The following GRM8 variants were observed in gnomAD, a reference collection of about 807,000 sequenced individuals.
The protein encoded by GRM8 is metabotropic glutamate receptor 8.
A neutral mutation model predicts 87.2 loss-of-function variants in GRM8; 47 were observed. The observed-to-expected ratio is 0.54, with a 90% confidence interval of 0.43 to 0.69. The LOEUF (loss-of-function observed/expected upper bound fraction) is 0.69. Ranked by LOEUF, GRM8 falls within the 30% of genes least tolerant of loss-of-function variation. The pLI is 0.00. For synonymous variants in GRM8, 396 were observed against 404.5 expected (o/e 0.98, Z 0.25); for missense variants, 1,019 against 1,139.2 (o/e 0.89, Z 1.52).
intron 7 of GRM8, among the ~76,000 whole-genome samples, chr7:126,725,557 T>C (rs1330598962): frequency 6.6e-6 from 1 of 152,196 alleles, no homozygotes; most frequent in East Asian, 1.9e-4. Context: ...ACCTAGAAGC[T>C]AAGAATATAA....
chr7:126,689,030 A>G (rs1186057241), intron 7 of GRM8, among the ~76,000 whole-genome samples: 1 of 152,198 alleles, frequency 6.6e-6, no homozygotes, highest in Non-Finnish European at 1.5e-5. Flanking sequence ...ACAGCTGACA[A>G]TTATACCTGT....
At chr7:127,108,183 T>C (rs1275627887) in intron 2 of GRM8, among the ~76,000 whole-genome samples, 1 of 152,180 alleles carries the variant, frequency 6.6e-6, no homozygotes, top group Non-Finnish European at 1.5e-5. Flanking sequence ...GGTTAGATTT[T>C]GTGACTGCAT....
chr7:126,775,458 C>T (rs1014748805), intron 6 of GRM8, among the ~76,000 whole-genome samples: 25 of 140,288 alleles, frequency 1.8e-4, no homozygotes, highest in Admixed American at 8.1e-4. Context: ...AAAGAGTGAG[C>T]GCTATCAAGC....
intron 2 of GRM8, among the ~76,000 whole-genome samples, chr7:127,165,192 A>G (rs1208878258): frequency 8.1e-6 from 1 of 122,762 alleles, no homozygotes; most frequent in Non-Finnish European, 1.7e-5. Context: ...ATATATATAT[A>G]TTCAGGTTTC....
At chr7:127,101,000 C>G (rs1825190919) in intron 3 of GRM8, among the ~76,000 whole-genome samples, 1 of 152,242 alleles carries the variant, frequency 6.6e-6, no homozygotes, top group Non-Finnish European at 1.5e-5. Flanking sequence ...CCTTGCTATT[C>G]TTCTCCACAA....
intron 2 of GRM8, among the ~76,000 whole-genome samples, chr7:127,239,749 T>C (rs1798178573): frequency 6.6e-6 from 1 of 152,174 alleles, no homozygotes; most frequent in Non-Finnish European, 1.5e-5. Context: ...ATACTACAAA[T>C]GGAGTGCTTC....
intron 3 of GRM8, among the ~76,000 whole-genome samples, chr7:126,916,326 T>C (rs1414812023): frequency 6.6e-6 from 1 of 152,202 alleles, no homozygotes; most frequent in Non-Finnish European, 1.5e-5. Context: ...TGAACACTCA[T>C]TGGATGTGTG....
intron 7 of GRM8, among the ~76,000 whole-genome samples, chr7:126,618,322 A>G (rs1212841484): frequency 6.6e-6 from 1 of 152,236 alleles, no homozygotes; most frequent in Non-Finnish European, 1.5e-5. Flanking sequence ...CTGGCTAGCC[A>G]TATGTAGAAA....
intron 7 of GRM8, among the ~76,000 whole-genome samples, chr7:126,760,348 C>A (rs1301516917): frequency 1.3e-5 from 2 of 152,106 alleles, no homozygotes; most frequent in African/African-American, 4.8e-5. Context: ...TCAGTCTTGG[C>A]CCACATGTAA....
chr7:126,973,317 G>A (rs1283654693), intron 3 of GRM8, among the ~76,000 whole-genome samples: 2 of 152,188 alleles, frequency 1.3e-5, no homozygotes, highest in Non-Finnish European at 2.9e-5. Context: ...AGTGGTTAGA[G>A]CTTTGGAGTG....
intron 7 of GRM8, among the ~76,000 whole-genome samples, chr7:126,704,967 G>A (rs147546338): frequency 9.3e-4 from 142 of 152,050 alleles, no homozygotes; most frequent in Admixed American, 3.6e-3. Context: ...CTATTTGTAC[G>A]CTCCCTCCCC....
intron 2 of GRM8, among the ~76,000 whole-genome samples, chr7:127,130,736 G>C (rs990092720): frequency 6.6e-6 from 1 of 152,132 alleles, no homozygotes; most frequent in African/African-American, 2.4e-5. Flanking sequence ...TAATCCCCAA[G>C]AGTGAGGGAG....
chr7:126,721,769 G>A (rs1453015696), intron 7 of GRM8, among the ~76,000 whole-genome samples: 9 of 151,940 alleles, frequency 5.9e-5, no homozygotes, highest in East Asian at 3.9e-4. Flanking sequence ...CTGTACTGTC[G>A]AAAACTTCCT....
chr7:126,985,509 TATAAC>T (rs1251526247), intron 3 of GRM8, among the ~76,000 whole-genome samples: 1 of 152,234 alleles, frequency 6.6e-6, no homozygotes, highest in Non-Finnish European at 1.5e-5. Flanking sequence ...TTCTGTTGCT[TATAAC>T]AGAATACCTG....
chr7:126,895,404 G>A (rs1801447397), intron 6 of GRM8, among the ~76,000 whole-genome samples: 2 of 151,970 alleles, frequency 1.3e-5, no homozygotes, highest in Non-Finnish European at 2.9e-5. Flanking sequence ...GAGCTCACCA[G>A]GATCCATGTC....
At chr7:126,978,834 T>A (rs1811257796) in intron 3 of GRM8, among the ~76,000 whole-genome samples, 1 of 152,188 alleles carries the variant, frequency 6.6e-6, no homozygotes, top group Non-Finnish European at 1.5e-5. Context: ...GGTGAACCAA[T>A]CTTCAGAAAA....
intron 8 of GRM8, among the ~76,000 whole-genome samples, chr7:126,606,784 C>T (rs995947719): frequency 3.9e-5 from 6 of 151,990 alleles, no homozygotes; most frequent in African/African-American, 9.7e-5. Context: ...ATTTTATGAA[C>T]GATAATACAG....
intron 2 of GRM8, among the ~76,000 whole-genome samples, chr7:127,203,113 A>C (rs375355087): frequency 2.6e-5 from 4 of 152,344 alleles, no homozygotes; most frequent in South Asian, 4.1e-4. Flanking sequence ...TCTAATAGAG[A>C]TCATGTTATA....
chr7:127,239,950 G>A (rs374750429), intron 2 of GRM8, among the ~76,000 whole-genome samples: 3 of 152,116 alleles, frequency 2.0e-5, no homozygotes, highest in Non-Finnish European at 2.9e-5. Context: ...GGTTAAACGC[G>A]CACTCTGGAC....
Sources: gnomAD v4.1 joint callset for allele counts (sites outside exome capture counted in the v4.1 genomes callset) on GRCh38, gnomAD v4.1.1 for gene constraint, MANE v1.5 for transcripts, NCBI Gene and HGNC (gene_info 2026-07-23, HGNC 2026-07-21) for gene names.